ZBTB10: variants seen among roughly 807,000 people sequenced by gnomAD.
ZBTB10 encodes the protein zinc finger and BTB domain-containing protein 10.
A neutral mutation model predicts 76.4 loss-of-function variants in ZBTB10; 32 were observed. The observed-to-expected ratio is 0.42, with a 90% CI of 0.32 to 0.56. The LOEUF (loss-of-function observed/expected upper bound fraction) is 0.56. Among genes scored for constraint, ZBTB10 ranks in the 20% least tolerant of loss-of-function variants. The pLI is 0.14. For missense variants in ZBTB10, 1,057 were observed against 1,098.5 expected, an observed-to-expected ratio of 0.96 and a Z score of 0.53; for synonymous variants, 523 against 432.9, an observed-to-expected ratio of 1.21 and a Z score of -2.58.
chr8:80,489,096 A>T (rs59893263), intron 1 of ZBTB10, among the ~76,000 whole-genome samples: 57,799 of 151,900 alleles, frequency 0.38, 14,424 homozygotes, highest in African/African-American at 0.72. Context: ...TTAAGTAAAT[A>T]GTCCTAAGAG....
chr8:80,507,218 G>T (rs1231176597), intron 2 of ZBTB10, among the ~76,000 whole-genome samples: 2 of 151,968 alleles, frequency 1.3e-5, no homozygotes, highest in Non-Finnish European at 2.9e-5. Flanking sequence ...TGAGGCAGGA[G>T]AATCACTTTA....
At chr8:80,493,193 A>ACGCGCCCGCGCGCG (rs1815677847) in intron 1 of ZBTB10, among the ~76,000 whole-genome samples, 1 of 124,446 alleles carries the variant, frequency 8.0e-6, no homozygotes, top group South Asian at 2.9e-4. Context: ...GTGCCTCAAA[A>ACGCGCCCGCGCGCG]CGCGCGCGCG....
chr8:80,493,202 C>CGCGCGCGCGT (rs1554551230), intron 1 of ZBTB10, among the ~76,000 whole-genome samples: 43 of 119,374 alleles, frequency 3.6e-4, no homozygotes, highest in African/African-American at 1.5e-3. Context: ...AACGCGCGCG[C>CGCGCGCGCGT]GCGCGCACAC....
chr8:80,491,412 T>A (rs1373383965), intron 1 of ZBTB10, among the ~76,000 whole-genome samples: 3 of 152,174 alleles, frequency 2.0e-5, no homozygotes, highest in Non-Finnish European at 4.4e-5. Context: ...TCAGATCATA[T>A]CCCTCTCGTT....
chr8:80,490,683 T>G (rs1815605944), intron 1 of ZBTB10, among the ~76,000 whole-genome samples: 1 of 152,232 alleles, frequency 6.6e-6, no homozygotes, highest in African/African-American at 2.4e-5. Context: ...ATATCTTGTC[T>G]TAAAAACATG....
chr8:80,490,121 G>T (rs1363084144), intron 1 of ZBTB10, among the ~76,000 whole-genome samples: 2 of 152,186 alleles, frequency 1.3e-5, no homozygotes, highest in African/African-American at 4.8e-5. Flanking sequence ...GCCTACTTGG[G>T]CTTAAGGTCA....
Position 80,487,688 on chromosome 8 carries a change from A to C in ZBTB10, c.878A>C (p.Asp293Ala). Residue 293 changes from aspartate to alanine, a missense_variant, in exon 1 of 6, where the codon GAT becomes GCT. By Grantham distance (126) the Asp-to-Ala change is moderately radical (BLOSUM62 -2). This residue lies in a region of ZBTB10 where 556 missense variants were observed against 451.7 expected (regional missense o/e 1.23). Coordinates refer to ENST00000455036, the MANE Select transcript of ZBTB10 (RefSeq NM_001105539.3). ...GSVDLPPVGHDELSRGTRNYK... is the reference protein window; with the variant it reads ...GSVDLPPVGHAELSRGTRNYK... ...GTGGACCTTCCCCCAGTGGGGCATG[A>C]TGAGCTTTCGCGAGGGACCCGCAAC... 5.6e-6 allele frequency: 9 copies of C among 1,613,950 alleles called. No individual in the cohort carries two copies. Among genetic ancestry groups the C allele is most frequent in the Non-Finnish European group, 7.6e-6 (9 of 1,179,874 alleles).
At chr8:80,500,465 T>G in intron 2 of ZBTB10, 83 bp downstream of exon 2, 1 of 1,312,638 alleles carries the variant, frequency 7.6e-7, no homozygotes, top group Non-Finnish European at 1.0e-6. Context: ...TTTAATTGAA[T>G]TATTTTAGTT....
chr8:80,514,115 T>A, intron 3 of ZBTB10, 107 bp downstream of exon 3: 1 of 935,034 alleles, frequency 1.1e-6, no homozygotes, highest in East Asian at 2.7e-5. Flanking sequence ...CTATTGTATA[T>A]AACTACTTTC....
At chr8:80,514,155 G>T in intron 3 of ZBTB10, 147 bp downstream of exon 3, 2 of 681,644 alleles carry the variant, frequency 2.9e-6, no homozygotes, top group Non-Finnish European at 2.4e-6. Context: ...TATGATGACT[G>T]GAAAATTGGT....
chr8:80,507,994 T>C (rs1816101809), intron 2 of ZBTB10, among the ~76,000 whole-genome samples: 1 of 152,232 alleles, frequency 6.6e-6, no homozygotes, highest in Non-Finnish European at 1.5e-5. Context: ...AAGATGGTAG[T>C]AGGCAACCAT....
intron 2 of ZBTB10, among the ~76,000 whole-genome samples, chr8:80,501,730 A>G (rs901376787): frequency 2.0e-5 from 3 of 152,192 alleles, no homozygotes; most frequent in African/African-American, 4.8e-5. Context: ...GTGTGTATAT[A>G]TAACGAATAC....
At chr8:80,517,096 G>A (rs1816342821) in intron 3 of ZBTB10, among the ~76,000 whole-genome samples, 4 of 152,178 alleles carry the variant, frequency 2.6e-5, no homozygotes, top group Admixed American at 2.6e-4. Context: ...ACCGGGTAAA[G>A]CTTTGGAGGA....
chr8:80,502,497 A>G (rs1815949645), intron 2 of ZBTB10, among the ~76,000 whole-genome samples: 1 of 152,114 alleles, frequency 6.6e-6, no homozygotes, highest in Non-Finnish European at 1.5e-5. Context: ...GCCTCCCAAC[A>G]TGTTGGGATT....
chr8:80,519,438 T>C lies in ZBTB10; in HGVS notation c.2526T>C (p.Ala842=), dbSNP rs770372073. The change falls in exon 6 of 6, where the codon GCT becomes GCC. Residue 842 remains alanine, a synonymous_variant. Coordinates refer to ENST00000455036, the MANE Select transcript of ZBTB10 (RefSeq NM_001105539.3). ...ACGAGGAGAATGAAGTAGGAGAAGC[T>C]GATGAAGAGCTAGTTGATGATGGAG... ...EEYEENEVGE[A]DEELVDDGED... 1.9e-5 allele frequency: 30 copies of C among 1,612,516 alleles called. No homozygotes were observed. In the South Asian group the frequency reaches 2.6e-4, roughly 14 times the overall value.
At chr8:80,486,141 C>T (rs1815441764), upstream of ZBTB10, 1 of 437,556 alleles carries the variant, frequency 2.3e-6, no homozygotes, top group African/African-American at 2.3e-5. Context: ...AAGCCCAGCC[C>T]CCCTCCCCCA....
At chr8:80,498,361 G>T (rs1424831548) in intron 1 of ZBTB10, among the ~76,000 whole-genome samples, 1 of 152,080 alleles carries the variant, frequency 6.6e-6, no homozygotes, top group Non-Finnish European at 1.5e-5. Context: ...TTATAGAAAT[G>T]GTCTATGTTT....
At chr8:80,508,640 G>A (rs1452884478) in intron 2 of ZBTB10, among the ~76,000 whole-genome samples, 1 of 152,186 alleles carries the variant, frequency 6.6e-6, no homozygotes, top group Admixed American at 6.5e-5. Context: ...CATAGAGAAG[G>A]CAGTGTGAGT....
rs1473505857 is a variant in ZBTB10 at position 80,518,457 on chromosome 8, A to C, written c.2015A>C (p.Lys672Thr). ...ATGCCTGGTCCTTCAAATGATTTCA[A>C]GTATGGATTGATACCAGGTACTTCA... Reference protein sequence around the residue: ...GLMPGPSNDFKYGLIPGTSND... With the variant: ...GLMPGPSNDFTYGLIPGTSND... The change falls in exon 4 of 6, where the codon AAG (lysine) becomes ACG (threonine). Residue 672 changes from lysine to threonine, a missense_variant. Transcript: ENST00000455036. 1 of 1,553,402 alleles carries C rather than the reference A, an allele frequency of 6.4e-7. No homozygotes were observed.
Sources: gnomAD v4.1 joint callset for allele counts (sites outside exome capture counted in the v4.1 genomes callset) on GRCh38, gnomAD v4.1.1 for gene constraint, gnomAD v4.1.1 regional missense constraint, MANE v1.5 for transcripts, NCBI Gene and HGNC (gene_info 2026-07-23, HGNC 2026-07-21) for gene names.